Variants in ALDH3A2 observed in about 807,000 individuals in gnomAD.
The protein encoded by ALDH3A2 is aldehyde dehydrogenase 3 family member A2, also known as aldehyde dehydrogenase family 3 member A2.
ALDH3A2 carries 36 observed loss-of-function variants against 51.3 expected under a neutral mutation model. The ratio of observed to expected loss-of-function variants is 0.70; its 90% confidence interval spans 0.54 to 0.93. The LOEUF (loss-of-function observed/expected upper bound fraction) is 0.93. Among genes scored for constraint, ALDH3A2 ranks in the 40% least tolerant of loss-of-function variants. ALDH3A2 has a pLI of 0.00. For synonymous variants in ALDH3A2, 199 were observed against 219.8 expected (o/e 0.91, Z 0.84); for missense variants, 552 against 603.1 (o/e 0.92, Z 0.89).
intron 8 of ALDH3A2, among the ~76,000 whole-genome samples, chr17:19,666,129 C>T (rs535550593): frequency 4.4e-4 from 66 of 151,504 alleles, no homozygotes; most frequent in Non-Finnish European, 8.2e-4. Flanking sequence ...AGGGTGGTAG[C>T]AGGGGAGATA....
At chr17:19,670,707 C>T (rs909290047) in intron 8 of ALDH3A2, among the ~76,000 whole-genome samples, 2 of 152,168 alleles carry the variant, frequency 1.3e-5, no homozygotes, top group African/African-American at 2.4e-5. Flanking sequence ...GGACTACAGG[C>T]GTGCGCCACC....
intron 7 of ALDH3A2, among the ~76,000 whole-genome samples, chr17:19,664,413 G>A (rs773654529): frequency 6.6e-6 from 1 of 152,146 alleles, no homozygotes; most frequent in Non-Finnish European, 1.5e-5. Flanking sequence ...GGTAAATGAC[G>A]TTTACTAGTC....
chr17:19,663,539 G>T, intron 7 of ALDH3A2, 40 bp downstream of exon 7: 1 of 1,597,800 alleles, frequency 6.3e-7, no homozygotes, highest in Non-Finnish European at 8.6e-7. Flanking sequence ...ATAAGCAACT[G>T]TCAAGAGTCA....
intron 3 of ALDH3A2, among the ~76,000 whole-genome samples, chr17:19,653,900 G>T (rs568642936): frequency 1.3e-5 from 2 of 152,090 alleles, no homozygotes; most frequent in East Asian, 1.9e-4. Context: ...TGATTGGTGC[G>T]TTTACAATCC....
At chr17:19,670,938 C>T (rs2085104545) in intron 8 of ALDH3A2, among the ~76,000 whole-genome samples, 1 of 152,186 alleles carries the variant, frequency 6.6e-6, no homozygotes, top group Non-Finnish European at 1.5e-5. Flanking sequence ...CACACCAGGC[C>T]TGCTTCATGA....
At chr17:19,663,232 G>C (rs2084990100) in intron 6 of ALDH3A2, 101 bp from the exon 7 acceptor site, 1 of 1,366,160 alleles carries the variant, frequency 7.3e-7, no homozygotes, top group Admixed American at 1.7e-5. Context: ...TTGGGTGGGA[G>C]AGGGAAAGGC....
intron 8 of ALDH3A2, among the ~76,000 whole-genome samples, chr17:19,669,982 G>A (rs1433066338): frequency 6.6e-6 from 1 of 152,078 alleles, no homozygotes; most frequent in Non-Finnish European, 1.5e-5. Flanking sequence ...AAGTAGTAAA[G>A]CCAAGAAATG....
At chr17:19,670,051 T>G (rs187564962) in intron 8 of ALDH3A2, among the ~76,000 whole-genome samples, 3 of 152,342 alleles carry the variant, frequency 2.0e-5, no homozygotes, top group Admixed American at 2.0e-4. Flanking sequence ...GTTTGCTCTT[T>G]AGGACACAGT....
intron 8 of ALDH3A2, among the ~76,000 whole-genome samples, chr17:19,666,077 A>G (rs963479156): frequency 6.6e-6 from 1 of 152,070 alleles, no homozygotes; most frequent in Non-Finnish European, 1.5e-5. Flanking sequence ...GCCAATTGGT[A>G]GGTATTGCCA....
chr17:19,661,363 G>T, intron 6 of ALDH3A2, 95 bp downstream of exon 6: 1 of 1,384,588 alleles, frequency 7.2e-7, no homozygotes, highest in Non-Finnish European at 1.0e-6. Context: ...TAAATATATA[G>T]CATTTAATTG....
intron 1 of ALDH3A2, 41 bp downstream of exon 1, chr17:19,649,165 G>A: frequency 1.3e-6 from 2 of 1,537,804 alleles, no homozygotes; most frequent in East Asian, 2.5e-5. Context: ...ACTGGCCCCC[G>A]CCGCGCACTT....
rs1277375413 is a variant in ALDH3A2, at chr17:19,652,420, G to C, written c.386-127G>C. Reference sequence around the variant, plus strand: ...GATGAGCTCTTATGCTAATTATGAGGATATGCAGCATTGAGAGCTGCAGAA... The same window carrying C: ...GATGAGCTCTTATGCTAATTATGAGCATATGCAGCATTGAGAGCTGCAGAA... On this transcript the variant is annotated intron_variant, in intron 2 of 9. Transcript: ENST00000176643. 7.0e-6 allele frequency: 5 copies of C among 718,950 alleles called. No homozygotes were observed. In the East Asian group the frequency reaches 1.3e-4, roughly 19 times the overall value. The allele number at this position is 718,950 out of a possible 1,614,324, so 44.5% of individuals were successfully genotyped here. A position where few individuals can be genotyped will look rare whatever the true frequency, so the allele number is the denominator to read the frequency against.
At chr17:19,666,843 A>G (rs1185871707) in intron 8 of ALDH3A2, among the ~76,000 whole-genome samples, 2 of 151,114 alleles carry the variant, frequency 1.3e-5, no homozygotes, top group African/African-American at 4.8e-5. Context: ...CAAGCAACCT[A>G]TTATATACCC....
chr17:19,669,350 G>A (rs1461469733), intron 8 of ALDH3A2, among the ~76,000 whole-genome samples: 1 of 152,050 alleles, frequency 6.6e-6, no homozygotes, highest in African/African-American at 2.4e-5. Flanking sequence ...ACTTTAGAAT[G>A]CCATACGCTG....
chr17:19,672,402 G>T, intron 9 of ALDH3A2: 1 of 196,532 alleles, frequency 5.1e-6, no homozygotes, highest in East Asian at 1.2e-4. Flanking sequence ...CCACAGAGGT[G>T]AAGGCAAGAA....
rs529995677 is a variant in ALDH3A2, at chr17:19,664,681, G to A, written c.1108-267G>A. Among the ~76,000 whole-genome samples the A allele has an allele frequency of 3.9e-5, 6 of 152,304 alleles. No homozygotes were observed. In the South Asian group the frequency reaches 1.2e-3, roughly 32 times the overall value. ...GAGTACAACTCCAGGTTGTGGCTGA[G>A]TAGGCCCAGAGGTTTGGAGCTGCCT... On this transcript the variant is annotated intron_variant, in intron 7 of 9. Coordinates refer to ENST00000176643, the MANE Select transcript of ALDH3A2 (RefSeq NM_000382.3).
intron 1 of ALDH3A2, among the ~76,000 whole-genome samples, chr17:19,650,882 C>T (rs2084806296): frequency 6.6e-6 from 1 of 152,166 alleles, no homozygotes. Flanking sequence ...AGTGGTAGTA[C>T]TAGTAGCAAC....
Position 19,673,374 on chromosome 17 carries a change from G to GTTTTTA in ALDH3A2, c.1443+1424_1443+1429dup, listed in dbSNP as rs1423168043. On this transcript the variant is annotated intron_variant, in intron 9 of 9. Coordinates refer to ENST00000176643, the MANE Select transcript of ALDH3A2 (RefSeq NM_000382.3). ...TGTTTTTGTTTTTGTTTTTGTTTTT[G>GTTTTTA]TTTTTATTTTTGTTTTTTTTTTGCT... 5 of 1,416,652 alleles carry GTTTTTA rather than the reference G, an allele frequency of 3.5e-6. No homozygotes were observed. In the African/African-American group the frequency reaches 8.0e-5, roughly 23 times the overall value. The allele number at this position is 1,416,652 out of a possible 1,614,324, so 87.8% of individuals were successfully genotyped here.
upstream of ALDH3A2, chr17:19,648,645 G>C (rs2084766924): frequency 2.4e-6 from 1 of 412,836 alleles, no homozygotes; most frequent in South Asian, 2.5e-5. Context: ...ATCCCAGCCC[G>C]CTGCCAGAGC....
Sources: allele counts gnomAD v4.1 joint callset (sites outside exome capture counted in the v4.1 genomes callset), GRCh38; gene constraint gnomAD v4.1.1; transcripts MANE v1.5; gene names NCBI Gene and HGNC (gene_info 2026-07-23, HGNC 2026-07-21).